The following TARS2 variants were observed in gnomAD, a reference collection of about 807,000 sequenced individuals.
The protein encoded by TARS2 is threonyl-tRNA synthetase 2, mitochondrial.
A neutral mutation model predicts 94.4 loss-of-function variants in TARS2; 61 were observed. The observed-to-expected ratio is 0.65, with a 90% CI of 0.53 to 0.80. The LOEUF is 0.80. Ranked by LOEUF, TARS2 falls within the 30% of genes least tolerant of loss-of-function variation. TARS2 has a pLI of 0.00. For synonymous variants in TARS2, 359 were observed against 353.4 expected (o/e 1.02, Z -0.18); for missense variants, 704 against 902.5 (o/e 0.78, Z 2.82).
intron 6 of TARS2, 106 bp downstream of exon 6, chr1:150,491,768 A>T: frequency 8.2e-7 from 1 of 1,224,550 alleles, no homozygotes; most frequent in Non-Finnish European, 1.2e-6. Context: ...GTTGCTCCAG[A>T]AAAAGAAATG....
intron 11 of TARS2, 21 bp downstream of exon 11, chr1:150,498,685 C>T (rs1168330077): frequency 6.2e-7 from 1 of 1,613,274 alleles, no homozygotes; most frequent in Non-Finnish European, 8.5e-7. Context: ...CCTGGCTCCA[C>T]CAAAGCTTTT....
intron 17 of TARS2, 90 bp from the exon 18 acceptor site, chr1:150,506,826 A>G: frequency 6.4e-7 from 1 of 1,554,106 alleles, no homozygotes; most frequent in Middle Eastern, 1.7e-4. Flanking sequence ...CTTCCTAAAG[A>G]TTTAGGTCTC....
chr1:150,490,206 C>T (rs1447340946), intron 3 of TARS2, among the ~76,000 whole-genome samples: 2 of 143,618 alleles, frequency 1.4e-5, no homozygotes, highest in Non-Finnish European at 3.0e-5. Context: ...GCAACTTCCA[C>T]CTCCCGGGTT....
chr1:150,496,772 C>A, intron 8 of TARS2, 38 bp from the exon 9 acceptor site: 1 of 1,609,084 alleles, frequency 6.2e-7, no homozygotes, highest in South Asian at 1.1e-5. Context: ...CACCTCCTTG[C>A]CCTTGAGGTG....
At chr1:150,506,185 T>G (rs1278585501) in intron 17 of TARS2, among the ~76,000 whole-genome samples, 1 of 152,082 alleles carries the variant, frequency 6.6e-6, no homozygotes, top group South Asian at 2.1e-4. Context: ...ACCTGATTCT[T>G]GAGTTTTGCA....
Position 150,487,878 on chromosome 1 carries a change from A to C in TARS2, c.87A>C (p.Pro29=), listed in dbSNP as rs1669218452. ...RLHTAVVSTP[P]RWLAERLGLF... is the part of the protein sequence containing the mutation. Reference sequence around the variant, plus strand: ...TCCAGGCAGTTGTGTCGACCCCTCCACGCTGGTTGGCAGAGCGGCTTGGCC... The same window carrying C: ...TCCAGGCAGTTGTGTCGACCCCTCCCCGCTGGTTGGCAGAGCGGCTTGGCC... Residue 29 remains proline (P), a synonymous_variant, in exon 2 of 18, where the codon CCA becomes CCC. Transcript: ENST00000369064. 6.2e-7 allele frequency: 1 copy of C among 1,613,154 alleles called. No individual in the cohort carries two copies. The highest frequency in any genetic ancestry group is 8.5e-7 in the Non-Finnish European group (1 of 1,179,910).
intron 10 of TARS2, among the ~76,000 whole-genome samples, chr1:150,498,092 CAAAA>C (rs375222621): frequency 9.9e-5 from 7 of 70,802 alleles, no homozygotes; most frequent in Non-Finnish European, 1.1e-4. Context: ...GACTCCATCT[CAAAA>C]AAAAAAAAAA....
chr1:150,503,669 ATGTGTGT>A (rs1670059961), intron 13 of TARS2, among the ~76,000 whole-genome samples: 1 of 149,732 alleles, frequency 6.7e-6, no homozygotes, highest in African/African-American at 2.5e-5. Context: ...GTGTGTATAT[ATGTGTGT>A]ATATATGTGT....
At position 150,496,918 on chromosome 1, in the gene TARS2, C is replaced by T; in HGVS notation, c.1020+10C>T. On this transcript the variant is annotated intron_variant, in intron 9 of 17. Transcript: ENST00000369064. ...AGTGGCGTTTATCAGGGTAAGGGGA[C>T]CCAGGTCTAGAGGAAAGAAGACCAG... 6.2e-7 allele frequency: 1 copy of T among 1,613,254 alleles called. No individual in the cohort carries two copies. Among genetic ancestry groups the T allele is most frequent in the Non-Finnish European group, 8.5e-7 (1 of 1,179,554 alleles).
chr1:150,503,042 A>G (rs1412314733), intron 13 of TARS2, among the ~76,000 whole-genome samples: 2 of 152,196 alleles, frequency 1.3e-5, no homozygotes, highest in African/African-American at 2.4e-5. Flanking sequence ...AAGAGAGAGC[A>G]AAAAACTGGA....
At chr1:150,498,876 A>AC in intron 11 of TARS2, 21 bp from the exon 12 acceptor site, 1 of 1,613,934 alleles carries the variant, frequency 6.2e-7, no homozygotes, top group Non-Finnish European at 8.5e-7. Context: ...CAGCTCACTG[A>AC]CCCTTATTTC....
chr1:150,491,066 A>G (rs1162768005), intron 4 of TARS2, among the ~76,000 whole-genome samples: 2 of 74,210 alleles, frequency 2.7e-5, no homozygotes, highest in African/African-American at 6.5e-5. Flanking sequence ...AAAAAAAAAC[A>G]AAAAGAAAAA....
chr1:150,503,589 G>A (rs1311028141), intron 13 of TARS2, among the ~76,000 whole-genome samples: 25 of 133,728 alleles, frequency 1.9e-4, no homozygotes, highest in African/African-American at 3.2e-4. Flanking sequence ...ATATATATGT[G>A]TGTGTGTGTG....
rs148372463 is a variant in TARS2, at chr1:150,492,765, G to A, written c.774+276G>A. 7.4e-3 allele frequency among the ~76,000 whole-genome samples: 1,052 copies of A among 141,712 alleles called. 21 individuals carry two copies. Among genetic ancestry groups the A allele is most frequent in the African/African-American group, 0.027 (1,002 of 37,528 alleles). 93.0% of individuals were successfully genotyped at this position (141,712 alleles called of 152,430 possible). ...GCGGAGGTTGTAGTGAGCCGAGACTGCACTACTGCACTCCAGCCTGGGCAA... is the reference window on the plus strand; with the variant it reads ...GCGGAGGTTGTAGTGAGCCGAGACTACACTACTGCACTCCAGCCTGGGCAA... On this transcript the variant is annotated intron_variant, in intron 7 of 17. Transcript: ENST00000369064.
At chr1:150,497,881 C>T (rs1293369336) in intron 10 of TARS2, 134 bp downstream of exon 10, 32 of 885,896 alleles carry the variant, frequency 3.6e-5, no homozygotes, top group African/African-American at 5.1e-5. Context: ...CACCTGAGGT[C>T]GGGAGTTTGA....
rs745871348 is a variant in TARS2, at chr1:150,502,385, A to AT, written c.1618-1931dup. On this transcript the variant is annotated intron_variant, in intron 13 of 17. Coordinates refer to ENST00000369064, the MANE Select transcript of TARS2 (RefSeq NM_025150.5). ...AGGTGTGCACCACCACGCCCAGCTA[A>AT]TTTTTTTTTTTTTTTTTTTGAGGCG... Among the ~76,000 whole-genome samples, 642 of 122,856 alleles carry AT rather than the reference A, an allele frequency of 5.2e-3. 3 individuals carry two copies. Among genetic ancestry groups the AT allele is most frequent in the Middle Eastern group, 0.014 (3 of 222 alleles). 80.6% of individuals were successfully genotyped at this position (122,856 alleles called of 152,430 possible). A position where few individuals can be genotyped will look rare whatever the true frequency, so the allele number is the denominator to read the frequency against.
At chr1:150,489,169 T>C in intron 3 of TARS2, 82 bp downstream of exon 3, 1 of 1,602,518 alleles carries the variant, frequency 6.2e-7, no homozygotes, top group South Asian at 1.1e-5. Flanking sequence ...TTTATTCTTT[T>C]GCCGCAGTTT....
At position 150,491,397 on chromosome 1, in the gene TARS2, A is replaced by G. The variant is rs1180369141; in HGVS notation, c.516A>G (p.Thr172=). Residue 172 remains threonine, a synonymous_variant, in exon 5 of 18, where the codon ACA becomes ACG. Transcript: ENST00000369064. Reference sequence around the variant, plus strand: ...CAACCAATTCTCCTCTTTCCAGGACAATCCGGGGCTCAGAGCTGCCTGTTT... The same window carrying G: ...CAACCAATTCTCCTCTTTCCAGGACGATCCGGGGCTCAGAGCTGCCTGTTT... The part of the protein sequence containing the change: ...YHDFFLGKER[T]IRGSELPVLE... 3 of 1,612,702 alleles carry G rather than the reference A, an allele frequency of 1.9e-6. No individual in the cohort carries two copies. The highest frequency in any genetic ancestry group is 1.3e-5 in the African/African-American group (1 of 74,998).
At chr1:150,505,502 TG>T in intron 16 of TARS2, 88 bp from the exon 17 acceptor site, 1 of 1,152,680 alleles carries the variant, frequency 8.7e-7, no homozygotes, top group South Asian at 1.2e-5. Context: ...GAGGAACAGA[TG>T]GGGGCATTGA....
Sources: allele counts gnomAD v4.1 joint callset (sites outside exome capture counted in the v4.1 genomes callset), GRCh38; gene constraint gnomAD v4.1.1; transcripts MANE v1.5; gene names NCBI Gene and HGNC (gene_info 2026-07-23, HGNC 2026-07-21).